The following THSD4 variants were observed in gnomAD, a reference collection of about 807,000 sequenced individuals.
The protein encoded by THSD4 is thrombospondin type 1 domain containing 4, also known as thrombospondin type-1 domain-containing protein 4.
In THSD4, 69 loss-of-function variants were observed where a neutral mutation model predicts 119.0. The observed-to-expected ratio is 0.58, with a 90% CI of 0.48 to 0.71. The LOEUF is 0.71. Among genes scored for constraint, THSD4 ranks in the 30% least tolerant of loss-of-function variants. The probability of loss-of-function intolerance (pLI) is 0.00; values close to 1 mark genes in which losing one functional copy is unlikely to be tolerated. For missense variants in THSD4, 1,393 were observed against 1,391.1 expected (o/e 1.00, Z -0.02); for synonymous variants, 524 against 540.4 (o/e 0.97, Z 0.42).
chr15:71,615,180 C>T (rs2050299644), intron 7 of THSD4, among the ~76,000 whole-genome samples: 1 of 152,186 alleles, frequency 6.6e-6, no homozygotes, highest in Non-Finnish European at 1.5e-5. Flanking sequence ...TGCCCACAGA[C>T]TTGTTCACTT....
intron 3 of THSD4, among the ~76,000 whole-genome samples, chr15:71,197,787 A>T (rs138400475): frequency 5.1e-4 from 77 of 152,062 alleles, no homozygotes; most frequent in African/African-American, 1.8e-3. Context: ...CCCACTGAAT[A>T]CCTGCTGCCT....
Position 71,115,647 on chromosome 15 carries a change from G to GGGCGAGGCGA in THSD4, c.-121_-112dup, listed in dbSNP as rs1013010542. 6.8e-6 allele frequency: 1 copy of GGGCGAGGCGA among 147,038 alleles called. No individual in the cohort carries two copies. The highest frequency in any genetic ancestry group is 1.5e-5 in the Non-Finnish European group (1 of 66,060). The allele number at this position is 147,038 out of a possible 1,614,324, so 9.1% of individuals were successfully genotyped here. A position where few individuals can be genotyped will look rare whatever the true frequency, so the allele number is the denominator to read the frequency against. On this transcript the variant is annotated 5_prime_UTR_variant, in exon 1 of 18. It removes the in-frame stop codon of an upstream open reading frame in the 5' UTR. Coordinates refer to ENST00000261862, the MANE Select transcript of THSD4 (RefSeq NM_024817.3). The surrounding 1 kb of genome is among the most constrained non-coding windows in gnomAD (Gnocchi z 4.4). Reference sequence around the variant, plus strand: ...CTGCCCGGCGCCGGGAACCACGCGGGGGCGAGGCGAGGCGAGGCGGCCGCC... The same window carrying GGGCGAGGCGA: ...CTGCCCGGCGCCGGGAACCACGCGGGGGCGAGGCGAGGCGAGGCGAGGCGAGGCGGCCGCC...
intron 4 of THSD4, among the ~76,000 whole-genome samples, chr15:71,238,041 G>A (rs2044120425): frequency 6.6e-6 from 1 of 152,010 alleles, no homozygotes; most frequent in Non-Finnish European, 1.5e-5. Context: ...TTCTCATAGA[G>A]CCCTACTTTA....
intron 6 of THSD4, among the ~76,000 whole-genome samples, chr15:71,330,228 C>G (rs2045403863): frequency 6.6e-6 from 1 of 152,102 alleles, no homozygotes. Context: ...CTCAGATGTG[C>G]TTTCAATCTG....
upstream of THSD4, chr15:71,111,040 C>T (rs750736785): frequency 6.7e-5 from 84 of 1,259,446 alleles, no homozygotes; most frequent in Non-Finnish European, 8.7e-5. Context: ...GCCTCGGATC[C>T]GGGTGATGCC....
At chr15:71,665,665 A>C (rs1436432762) in intron 8 of THSD4, among the ~76,000 whole-genome samples, 1 of 152,120 alleles carries the variant, frequency 6.6e-6, no homozygotes, top group East Asian at 1.9e-4. Context: ...TCTTGAGTTG[A>C]TTTTTATATA....
intron 7 of THSD4, among the ~76,000 whole-genome samples, chr15:71,617,704 T>C (rs72742727): frequency 3.3e-5 from 5 of 152,114 alleles, no homozygotes; most frequent in Non-Finnish European, 7.4e-5. Flanking sequence ...TGGAACAAAA[T>C]GCAGTGAGCC....
intron 3 of THSD4, among the ~76,000 whole-genome samples, chr15:71,161,382 T>C (rs2043248218): frequency 6.6e-6 from 1 of 152,086 alleles, no homozygotes; most frequent in African/African-American, 2.4e-5. Context: ...TTGCAGTCTA[T>C]CTCTAATATT....
chr15:71,560,634 G>C (rs2049097587), intron 7 of THSD4, among the ~76,000 whole-genome samples: 1 of 152,158 alleles, frequency 6.6e-6, no homozygotes. Flanking sequence ...CTTTCCATTT[G>C]TGTTATAAAT....
chr15:71,135,582 C>T (rs182388902), intron 1 of THSD4, among the ~76,000 whole-genome samples: 11 of 152,232 alleles, frequency 7.2e-5, no homozygotes, highest in East Asian at 1.9e-4. Flanking sequence ...TGCCTTCCTC[C>T]GTTTTTCCCA....
chr15:71,347,424 T>C (rs2045679778), intron 6 of THSD4, among the ~76,000 whole-genome samples: 1 of 152,200 alleles, frequency 6.6e-6, no homozygotes, highest in Admixed American at 6.5e-5. Flanking sequence ...GATGGACATC[T>C]CCCTTGCATG....
intron 8 of THSD4, among the ~76,000 whole-genome samples, chr15:71,704,702 A>G (rs552917638): frequency 1.3e-4 from 20 of 152,370 alleles, no homozygotes; most frequent in African/African-American, 4.8e-4. Context: ...ACCATGAACC[A>G]GGCACTTGGT....
rs565942114 is a variant in THSD4, at chr15:71,346,433, CATT to C, written c.1016-65247_1016-65245del. Among the ~76,000 whole-genome samples the C allele has an allele frequency of 2.9e-3, 439 of 152,292 alleles. 3 individuals are homozygous for C. The highest frequency in any genetic ancestry group is 0.01 in the African/African-American group (421 of 41,552). On this transcript the variant is annotated intron_variant, in intron 6 of 17. Transcript: ENST00000261862. ...TACTCAATGGGTTTTGACCTGTTAC[CATT>C]ATTATTTGCTTTGAAGCTCTAATTG...
intron 7 of THSD4, among the ~76,000 whole-genome samples, chr15:71,599,213 T>A (rs1277299810): frequency 6.6e-6 from 1 of 152,232 alleles, no homozygotes; most frequent in Non-Finnish European, 1.5e-5. Flanking sequence ...GAATCCAATC[T>A]GTTGTCTCTA....
At chr15:71,613,513 T>C (rs1014094325) in intron 7 of THSD4, among the ~76,000 whole-genome samples, 3 of 152,230 alleles carry the variant, frequency 2.0e-5, no homozygotes, top group African/African-American at 7.2e-5. Flanking sequence ...AGAAGATACA[T>C]ATGGAGCCAC....
At chr15:71,594,311 C>G (rs931949704) in intron 7 of THSD4, among the ~76,000 whole-genome samples, 1 of 151,892 alleles carries the variant, frequency 6.6e-6, no homozygotes, top group Non-Finnish European at 1.5e-5. Flanking sequence ...CGGGTTCAAA[C>G]TATTCTCCTG....
At chr15:71,424,698 A>T (rs2046847221) in intron 7 of THSD4, among the ~76,000 whole-genome samples, 1 of 152,234 alleles carries the variant, frequency 6.6e-6, no homozygotes, top group Non-Finnish European at 1.5e-5. Context: ...GAGCACGATT[A>T]TAATTTCTAT....
chr15:71,771,628 G>A (rs1044932638), intron 17 of THSD4, among the ~76,000 whole-genome samples: 14 of 152,152 alleles, frequency 9.2e-5, no homozygotes, highest in Non-Finnish European at 7.4e-5. Context: ...TAGAGACAGT[G>A]ATGGAGGGTC....
intron 1 of THSD4, among the ~76,000 whole-genome samples, chr15:71,106,923 C>T (rs1426850529): frequency 6.6e-6 from 1 of 152,106 alleles, no homozygotes; most frequent in African/African-American, 2.4e-5. Flanking sequence ...CAGCAAGTCA[C>T]CTGGCCACAT....
Sources: allele counts gnomAD v4.1 joint callset (sites outside exome capture counted in the v4.1 genomes callset), GRCh38; gene constraint gnomAD v4.1.1; non-coding constraint Gnocchi (gnomAD v3.1); transcripts MANE v1.5; gene names NCBI Gene and HGNC (gene_info 2026-07-23, HGNC 2026-07-21).